Variants in ATP10A observed in about 807,000 individuals in gnomAD.
The protein encoded by ATP10A is phospholipid-transporting ATPase VA.
ATP10A carries 111 observed loss-of-function variants against 147.8 expected under a neutral mutation model. That is an observed-to-expected ratio of 0.75 (90% CI 0.64 to 0.88). The LOEUF is 0.88. ATP10A is among the 40% of genes least tolerant of loss of function. The probability of loss-of-function intolerance (pLI) is 0.00; values close to 1 mark genes in which losing one functional copy is unlikely to be tolerated. For synonymous variants in ATP10A, 875 were observed against 841.6 expected, an observed-to-expected ratio of 1.04 and a Z score of -0.69; for missense variants, 1,927 against 1,959.0, an observed-to-expected ratio of 0.98 and a Z score of 0.31.
At chr15:25,740,866 A>G (rs958878252) in intron 2 of ATP10A, among the ~76,000 whole-genome samples, 18 of 152,216 alleles carry the variant, frequency 1.2e-4, no homozygotes, top group African/African-American at 4.3e-4. Flanking sequence ...AGCTCTGCTC[A>G]GGGTCACTGC....
chr15:25,864,307 A>G (rs1029562490), upstream of ATP10A, among the ~76,000 whole-genome samples: 6 of 152,188 alleles, frequency 3.9e-5, no homozygotes, highest in African/African-American at 1.4e-4. Context: ...CAGATGTTTC[A>G]TGGCTGTGAC....
chr15:25,701,799 CG>C, intron 13 of ATP10A, 116 bp downstream of exon 13: 3 of 1,035,806 alleles, frequency 2.9e-6, no homozygotes. Flanking sequence ...AACCCGAATG[CG>C]GAGGGTGAGG....
chr15:25,738,263 A>G (rs1158316151), intron 2 of ATP10A, among the ~76,000 whole-genome samples: 2 of 152,166 alleles, frequency 1.3e-5, no homozygotes, highest in South Asian at 2.1e-4. Context: ...AGACTTGTCA[A>G]CCTGCCCCCT....
intron 2 of ATP10A, among the ~76,000 whole-genome samples, chr15:25,767,740 T>C (rs994815709): frequency 6.6e-6 from 1 of 152,212 alleles, no homozygotes; most frequent in African/African-American, 2.4e-5. Context: ...TAAAAACTAA[T>C]GCGTGCTAGC....
intron 1 of ATP10A, among the ~76,000 whole-genome samples, chr15:25,837,275 T>G (rs1293003699): frequency 6.6e-6 from 1 of 152,204 alleles, no homozygotes; most frequent in Non-Finnish European, 1.5e-5. Context: ...GCAACCTAAG[T>G]GTCCACTGAG....
intron 1 of ATP10A, among the ~76,000 whole-genome samples, chr15:25,813,774 G>A (rs565777762): frequency 1.5e-3 from 226 of 151,706 alleles, no homozygotes; most frequent in Non-Finnish European, 2.2e-3. Context: ...ATTAATGACA[G>A]ATTAGACATC....
intron 3 of ATP10A, among the ~76,000 whole-genome samples, chr15:25,731,926 G>T (rs902258934): frequency 2.6e-5 from 4 of 152,230 alleles, no homozygotes; most frequent in Admixed American, 6.5e-5. Context: ...TGTGATCATA[G>T]CTCACTGCAG....
intron 17 of ATP10A, among the ~76,000 whole-genome samples, chr15:25,682,661 C>T (rs531495294): frequency 6.6e-5 from 10 of 152,326 alleles, no homozygotes; most frequent in African/African-American, 9.6e-5. Flanking sequence ...CCCGTGCATG[C>T]GGCCTGCTTC....
At chr15:25,849,972 A>C (rs982930965) in intron 1 of ATP10A, among the ~76,000 whole-genome samples, 1 of 152,254 alleles carries the variant, frequency 6.6e-6, no homozygotes, top group African/African-American at 2.4e-5. Context: ...AATAATGACA[A>C]TGACACGATG....
At chr15:25,784,020 G>T (rs1386943367) in intron 1 of ATP10A, among the ~76,000 whole-genome samples, 1 of 152,256 alleles carries the variant, frequency 6.6e-6, no homozygotes, top group Non-Finnish European at 1.5e-5. Context: ...AAGCTATGAT[G>T]ACTGAGACAC....
chr15:25,858,816 A>T lies in ATP10A; in HGVS notation c.449+3832T>A, dbSNP rs545838780. Among the ~76,000 whole-genome samples the T allele has an allele frequency of 1.4e-4, 21 of 152,226 alleles. No individual in the cohort carries two copies. In the South Asian group the frequency reaches 4.4e-3, roughly 32 times the overall value. ...CTGCAGAAATACTGCTGGTTACATC[A>T]TCCTGGAGACAGACACTGAAAGGTG... On this transcript the variant is annotated intron_variant, in intron 1 of 20. Transcript: ENST00000555815.
intron 12 of ATP10A, among the ~76,000 whole-genome samples, chr15:25,705,426 ACT>A (rs533806490): frequency 3.5e-4 from 48 of 136,604 alleles, no homozygotes; most frequent in African/African-American, 1.3e-3. Context: ...ACAGAGTGAG[ACT>A]CTGTCTCAAA....
Position 25,681,078 on chromosome 15 carries a change from G to A in ATP10A, c.3493-4C>T. On this transcript the variant is annotated splice_polypyrimidine_tract_variant and splice_region_variant and intron_variant, in intron 17 of 20. Coordinates refer to ENST00000555815, the MANE Select transcript of ATP10A (RefSeq NM_024490.4). ...AGAACGTTCGTGGCCGGTATTCCTG[G>A]GACACAAAAACAATCAGTGATGTTA... The A allele has an allele frequency of 6.2e-7, 1 of 1,612,342 alleles. No individual in the cohort carries two copies. The highest frequency in any genetic ancestry group is 8.5e-7 in the Non-Finnish European group (1 of 1,178,696).
intron 1 of ATP10A, among the ~76,000 whole-genome samples, chr15:25,845,354 G>T (rs921115639): frequency 4.0e-5 from 6 of 150,538 alleles, no homozygotes; most frequent in Non-Finnish European, 8.8e-5. Flanking sequence ...GTGTGTGTGT[G>T]TCAGGCCACC....
chr15:25,677,112 C>CA, downstream of ATP10A, among the ~76,000 whole-genome samples: 1 of 152,170 alleles, frequency 6.6e-6, no homozygotes, highest in African/African-American at 2.4e-5. Flanking sequence ...TGTACAATGT[C>CA]AAATGACTAA....
At chr15:25,833,953 C>CAG (rs1355612205) in intron 1 of ATP10A, among the ~76,000 whole-genome samples, 1 of 151,374 alleles carries the variant, frequency 6.6e-6, no homozygotes, top group Non-Finnish European at 1.5e-5. Context: ...GCCTGGGCAA[C>CAG]AGAGGGAGAC....
At chr15:25,684,716 T>C (rs1365774014) in intron 16 of ATP10A, among the ~76,000 whole-genome samples, 5 of 152,150 alleles carry the variant, frequency 3.3e-5, no homozygotes, top group African/African-American at 9.7e-5. Flanking sequence ...AGACAGACAT[T>C]TTCTGCTGGG....
chr15:25,796,743 G>A (rs1367414637), intron 1 of ATP10A, among the ~76,000 whole-genome samples: 1 of 152,238 alleles, frequency 6.6e-6, no homozygotes, highest in African/African-American at 2.4e-5. Context: ...CCTCTGGGAT[G>A]GGTCAACTAG....
At chr15:25,764,493 A>G (rs1888921664) in intron 2 of ATP10A, among the ~76,000 whole-genome samples, 1 of 152,132 alleles carries the variant, frequency 6.6e-6, no homozygotes, top group Non-Finnish European at 1.5e-5. Context: ...TTCTAAGAAG[A>G]GACACTCACT....
Sources: allele counts gnomAD v4.1 joint callset (sites outside exome capture counted in the v4.1 genomes callset), GRCh38; gene constraint gnomAD v4.1.1; transcripts MANE v1.5; gene names NCBI Gene and HGNC (gene_info 2026-07-23, HGNC 2026-07-21).